Variants in DLEU7 observed in about 807,000 individuals in gnomAD.
DLEU7 encodes the protein deleted in lymphocytic leukemia 7, also known as leukemia-associated protein 7.
DLEU7 carries 17 observed loss-of-function variants against 16.0 expected under a neutral mutation model. The ratio of observed to expected loss-of-function variants is 1.06; its 90% confidence interval spans 0.73 to 1.59. The LOEUF is 1.59. Among genes scored for constraint, DLEU7 ranks in the 40% most tolerant of loss-of-function variants. DLEU7 has a pLI of 0.00. For synonymous variants in DLEU7, 113 were observed against 139.8 expected (o/e 0.81, Z 1.35); for missense variants, 308 against 314.9 (o/e 0.98, Z 0.17).
chr13:50,781,647 T>G (rs559834905), intron 1 of DLEU7, among the ~76,000 whole-genome samples: 180 of 152,310 alleles, frequency 1.2e-3, no homozygotes, highest in Non-Finnish European at 2.1e-3. Flanking sequence ...CCTTATCATC[T>G]GTGGCATAAA....
chr13:50,725,445 C>T (rs1321061002), intron 1 of DLEU7, among the ~76,000 whole-genome samples: 2 of 152,168 alleles, frequency 1.3e-5, no homozygotes, highest in Non-Finnish European at 2.9e-5. Flanking sequence ...AAGACAGGCT[C>T]TGTGTGCATG....
chr13:50,743,049 A>G (rs563319413), intron 1 of DLEU7, among the ~76,000 whole-genome samples: 13 of 152,274 alleles, frequency 8.5e-5, no homozygotes, highest in Admixed American at 7.2e-4. Flanking sequence ...GTATTGAGTG[A>G]TCAGTGCTGT....
downstream of DLEU7, among the ~76,000 whole-genome samples, chr13:50,818,090 C>G (rs1037991912): frequency 2.0e-5 from 3 of 152,064 alleles, no homozygotes; most frequent in Non-Finnish European, 4.4e-5. Context: ...TAAGGAAATT[C>G]AATGGAGAAA....
chr13:50,790,666 G>A (rs1297312037), intron 1 of DLEU7, among the ~76,000 whole-genome samples: 1 of 152,070 alleles, frequency 6.6e-6, no homozygotes, highest in African/African-American at 2.4e-5. Flanking sequence ...GGTGTGGGGT[G>A]GGCGGACAAC....
At position 50,770,322 on chromosome 13, in the gene DLEU7, G is replaced by A. The variant is rs571279772; in HGVS notation, c.460-57082C>T. ...TCCAACACTATGTTGAATAGGAGTG[G>A]TGAGAGAGGGCATCCCTGTCTTGTG... On this transcript the variant is annotated intron_variant, in intron 1 of 1. Transcript: ENST00000400393. Among the ~76,000 whole-genome samples the A allele has an allele frequency of 1.9e-3, 289 of 152,270 alleles. 1 individual carries two copies. The highest frequency in any genetic ancestry group is 6.6e-3 in the African/African-American group (276 of 41,532).
intron 1 of DLEU7, among the ~76,000 whole-genome samples, chr13:50,812,740 ATATAGCTATATACG>A (rs1876606557): frequency 1.3e-5 from 2 of 151,698 alleles, no homozygotes; most frequent in African/African-American, 4.8e-5. Context: ...AAATAGTTAC[ATATAGCTATATACG>A]TATAAATCCA....
At chr13:50,791,805 T>C (rs1012745006) in intron 1 of DLEU7, among the ~76,000 whole-genome samples, 1 of 152,118 alleles carries the variant, frequency 6.6e-6, no homozygotes, top group Non-Finnish European at 1.5e-5. Context: ...AATCCAGAAA[T>C]GTATTTTTAT....
intron 1 of DLEU7, among the ~76,000 whole-genome samples, chr13:50,780,809 A>G (rs1384465171): frequency 6.6e-6 from 1 of 152,160 alleles, no homozygotes; most frequent in African/African-American, 2.4e-5. Flanking sequence ...CAAATGCAGA[A>G]GGGGCAATCA....
intron 1 of DLEU7, among the ~76,000 whole-genome samples, chr13:50,762,352 G>C (rs899633278): frequency 1.3e-5 from 2 of 152,136 alleles, no homozygotes; most frequent in East Asian, 3.9e-4. Flanking sequence ...GATGCTGACT[G>C]CATGAATTAA....
intron 1 of DLEU7, among the ~76,000 whole-genome samples, chr13:50,744,300 G>A (rs113284794): frequency 2.6e-5 from 4 of 152,114 alleles, no homozygotes; most frequent in Admixed American, 1.3e-4. Flanking sequence ...GGATGGTAGC[G>A]ACTTTCTACA....
At chr13:50,794,560 T>TC (rs1876056790) in intron 1 of DLEU7, among the ~76,000 whole-genome samples, 1 of 152,210 alleles carries the variant, frequency 6.6e-6, no homozygotes. Context: ...GGTGAAAATG[T>TC]TTAAGTTTTT....
At chr13:50,731,924 A>T (rs540839419) in intron 1 of DLEU7, among the ~76,000 whole-genome samples, 1 of 152,244 alleles carries the variant, frequency 6.6e-6, no homozygotes, top group African/African-American at 2.4e-5. Flanking sequence ...ATAATATTCC[A>T]TTTATTAATC....
chr13:50,772,051 T>C (rs2137757059), intron 1 of DLEU7, among the ~76,000 whole-genome samples: 1 of 152,294 alleles, frequency 6.6e-6, no homozygotes, highest in South Asian at 2.1e-4. Flanking sequence ...TCTTTGTTGG[T>C]TTAAAGTCTG....
chr13:50,827,068 A>G (rs1337735300), intron 1 of DLEU7, among the ~76,000 whole-genome samples: 2 of 152,234 alleles, frequency 1.3e-5, no homozygotes, highest in African/African-American at 4.8e-5. Context: ...CAGTGAACAA[A>G]GAAACTCAAA....
chr13:50,761,943 C>A (rs1389172330), intron 1 of DLEU7, among the ~76,000 whole-genome samples: 1 of 151,986 alleles, frequency 6.6e-6, no homozygotes, highest in Non-Finnish European at 1.5e-5. Context: ...GTAATCCCAG[C>A]ACTTTGGGAG....
At chr13:50,777,094 A>G (rs1875524020) in intron 1 of DLEU7, among the ~76,000 whole-genome samples, 1 of 152,208 alleles carries the variant, frequency 6.6e-6, no homozygotes, top group Non-Finnish European at 1.5e-5. Flanking sequence ...TCCCATGGCC[A>G]CTACAGCACC....
chr13:50,760,337 A>G (rs1024934177), intron 1 of DLEU7, among the ~76,000 whole-genome samples: 5 of 152,166 alleles, frequency 3.3e-5, no homozygotes, highest in African/African-American at 1.2e-4. Flanking sequence ...TAAGCACTTC[A>G]GTATTCTTTT....
downstream of DLEU7, among the ~76,000 whole-genome samples, chr13:50,821,741 A>AC (rs376638447): frequency 1.3e-5 from 2 of 151,818 alleles, no homozygotes; most frequent in Non-Finnish European, 2.9e-5. Flanking sequence ...GTAAAAAAAA[A>AC]CAAAAAACCT....
chr13:50,812,750 A>ATATGTATAAATAGT (rs1876606920), intron 1 of DLEU7, among the ~76,000 whole-genome samples: 1 of 151,700 alleles, frequency 6.6e-6, no homozygotes, highest in Non-Finnish European at 1.5e-5. Context: ...ATATAGCTAT[A>ATATGTATAAATAGT]TACGTATAAA....
Sources: allele counts gnomAD v4.1 joint callset (sites outside exome capture counted in the v4.1 genomes callset), GRCh38; gene constraint gnomAD v4.1.1; transcripts MANE v1.5; gene names NCBI Gene and HGNC (gene_info 2026-07-23, HGNC 2026-07-21).